GABRR2: variants seen among roughly 807,000 people sequenced by gnomAD.
The protein encoded by GABRR2 is gamma-aminobutyric acid type A receptor subunit rho2.
GABRR2 carries 36 observed loss-of-function variants against 47.0 expected under a neutral mutation model. The ratio of observed to expected loss-of-function variants is 0.77; its 90% CI spans 0.59 to 1.01. The LOEUF is 1.01. Ranked by LOEUF, GABRR2 falls within the 50% of genes least tolerant of loss-of-function variation. The pLI, the probability that GABRR2 is intolerant of heterozygous loss-of-function variation, is 0.00. For synonymous variants in GABRR2, 204 were observed against 227.5 expected (o/e 0.90, Z 0.93); for missense variants, 587 against 594.6 (o/e 0.99, Z 0.13).
chr6:89,257,884 C>G lies in GABRR2; in HGVS notation c.1184G>C (p.Ser395Thr), dbSNP rs776154540. ...EANSLAGYPRSHILTEEERQD... is the reference protein window; with the variant it reads ...EANSLAGYPRTHILTEEERQD... ...CCTTTCTTCTTCTGTCAGGATATGG[C>G]TTCTGGGGTACCCAGCCAGGCTGTT... The change falls in exon 9 of 9, where the codon AGC becomes ACC. Residue 395 changes from serine to threonine, a missense_variant. Coordinates refer to ENST00000402938, the MANE Select transcript of GABRR2 (RefSeq NM_002043.5). 3.1e-6 allele frequency: 5 copies of G among 1,613,836 alleles called. No homozygotes were observed. The Admixed American group carries it at 8.3e-5, about 27-fold the overall frequency.
At chr6:89,313,378 T>C (rs920625450) in intron 1 of GABRR2, among the ~76,000 whole-genome samples, 1 of 152,260 alleles carries the variant, frequency 6.6e-6, no homozygotes, top group African/African-American at 2.4e-5. Flanking sequence ...TAGAGACATC[T>C]GTTGAAAATG....
Position 89,280,211 on chromosome 6 carries a change from A to AATATATATATATAT in GABRR2, c.221-8503_221-8490dup, listed in dbSNP as rs35295435. Among the ~76,000 whole-genome samples the AATATATATATATAT allele has an allele frequency of 1.1e-3, 118 of 110,354 alleles. 1 individual carries two copies. The highest frequency in any genetic ancestry group is 1.8e-3 in the Non-Finnish European group (99 of 55,238). 72.4% of individuals were successfully genotyped at this position (110,354 alleles called of 152,430 possible). A position where few individuals can be genotyped will look rare whatever the true frequency, so the allele number is the denominator to read the frequency against. On this transcript the variant is annotated intron_variant, in intron 2 of 8. Coordinates refer to ENST00000402938, the MANE Select transcript of GABRR2 (RefSeq NM_002043.5). ...ATGACAGAGACTTAGTCTAAAAACA[A>AATATATATATATAT]ATATATATATATATATATATATATA...
At chr6:89,276,360 G>A (rs911062717) in intron 2 of GABRR2, among the ~76,000 whole-genome samples, 3 of 151,850 alleles carry the variant, frequency 2.0e-5, no homozygotes, top group Middle Eastern at 3.4e-3. Flanking sequence ...GCATAAAACT[G>A]GAAAACTATA....
Position 89,255,012 on chromosome 6 carries a change from A to C in GABRR2, c.*2658T>G, listed in dbSNP as rs1237584558. ...ATGTTATATGAGCCATAATGCATGA[A>C]AACAATGCAGTCAGAAGCAGAGAAG... On this transcript the variant is annotated 3_prime_UTR_variant, in exon 9 of 9. Transcript: ENST00000402938. 6.6e-6 allele frequency among the ~76,000 whole-genome samples: 1 copy of C among 152,226 alleles called. No individual in the cohort carries two copies. The highest frequency in any genetic ancestry group is 1.5e-5 in the Non-Finnish European group (1 of 68,036).
chr6:89,302,197 C>T (rs548783356), intron 1 of GABRR2: 40 of 554,878 alleles, frequency 7.2e-5, no homozygotes, highest in South Asian at 5.3e-4. Context: ...TCTCGCTGGG[C>T]GGGGGCACAA....
intron 1 of GABRR2, among the ~76,000 whole-genome samples, chr6:89,309,283 G>T (rs1767634620): frequency 6.6e-6 from 1 of 151,978 alleles, no homozygotes; most frequent in African/African-American, 2.4e-5. Flanking sequence ...AGACGTGTAG[G>T]TGGTGAGGTA....
chr6:89,269,245 C>CG lies in GABRR2; in HGVS notation c.289-12dup. ...GGTCATAGTGAAGTCCTGTGGGAGC[C>CG]GGGGTGAGACCAGACAAAAATGGCT... On this transcript the variant is annotated splice_polypyrimidine_tract_variant and intron_variant, in intron 3 of 8. Coordinates refer to ENST00000402938, the MANE Select transcript of GABRR2 (RefSeq NM_002043.5). 1.2e-6 allele frequency: 2 copies of CG among 1,609,666 alleles called. No homozygotes were observed. Among genetic ancestry groups the CG allele is most frequent in the Non-Finnish European group, 1.7e-6 (2 of 1,176,026 alleles).
intron 3 of GABRR2, 68 bp downstream of exon 3, chr6:89,271,587 C>G (rs1774051090): frequency 7.2e-7 from 1 of 1,382,562 alleles, no homozygotes; most frequent in Admixed American, 1.9e-5. Flanking sequence ...CACACAGGCA[C>G]AGCCTGCACC....
intron 2 of GABRR2, among the ~76,000 whole-genome samples, chr6:89,272,313 G>A (rs1190265126): frequency 6.6e-6 from 1 of 152,258 alleles, no homozygotes; most frequent in Admixed American, 6.5e-5. Context: ...TGTCAGATTA[G>A]AAGTATGAGA....
chr6:89,296,930 C>T (rs150537096), intron 2 of GABRR2, among the ~76,000 whole-genome samples: 20 of 152,330 alleles, frequency 1.3e-4, no homozygotes, highest in African/African-American at 4.6e-4. Context: ...TGGCCATCAC[C>T]TAACTCCTTG....
In GABRR2 at chr6:89,256,764, G is replaced by A. The variant is rs1773607688; in HGVS notation, c.*906C>T. Among the ~76,000 whole-genome samples the A allele has an allele frequency of 6.6e-6, 1 of 152,204 alleles. No homozygotes were observed. The highest frequency in any genetic ancestry group is 6.5e-5 in the Admixed American group (1 of 15,284). ...AAACTGTACACCGTGGTGAGCCTGG[G>A]TAAGTTTCTCTGGCTGGCAATACTC... On this transcript the variant is annotated 3_prime_UTR_variant, in exon 9 of 9. Coordinates refer to ENST00000402938, the MANE Select transcript of GABRR2 (RefSeq NM_002043.5).
chr6:89,301,685 A>G (rs1278141082), intron 1 of GABRR2: 3 of 579,862 alleles, frequency 5.2e-6, no homozygotes, highest in South Asian at 1.9e-5. Flanking sequence ...AGATCTCTAC[A>G]ATGAGAATTG....
chr6:89,310,676 T>C (rs1032617025), intron 1 of GABRR2, among the ~76,000 whole-genome samples: 8 of 139,322 alleles, frequency 5.7e-5, no homozygotes, highest in Admixed American at 4.0e-4. Flanking sequence ...TAGTTTGGTT[T>C]GGGCCGCACT....
intron 2 of GABRR2, among the ~76,000 whole-genome samples, chr6:89,277,877 G>T (rs1446663631): frequency 8.2e-6 from 1 of 121,274 alleles, no homozygotes; most frequent in Non-Finnish European, 1.7e-5. Context: ...GTGGGGGGGG[G>T]TGGGGGCTGC....
chr6:89,310,054 A>G (rs2127851582), intron 1 of GABRR2, among the ~76,000 whole-genome samples: 1 of 151,244 alleles, frequency 6.6e-6, no homozygotes, highest in Non-Finnish European at 1.5e-5. Context: ...GGCATGAGAC[A>G]CCATCCTCAG....
intron 6 of GABRR2, among the ~76,000 whole-genome samples, chr6:89,266,999 C>CTTTT (rs71024360): frequency 7.9e-4 from 100 of 125,862 alleles, no homozygotes; most frequent in African/African-American, 1.6e-3. Flanking sequence ...TTCTTTTCTT[C>CTTTT]TTTTTTTTTT....
At chr6:89,305,223 T>C (rs1767537500) in intron 1 of GABRR2, among the ~76,000 whole-genome samples, 1 of 152,042 alleles carries the variant, frequency 6.6e-6, no homozygotes, top group Non-Finnish European at 1.5e-5. Context: ...GGCATAGTGG[T>C]GTATGTCTGT....
intron 2 of GABRR2, among the ~76,000 whole-genome samples, chr6:89,276,583 T>C (rs1173288426): frequency 6.6e-6 from 1 of 152,152 alleles, no homozygotes; most frequent in African/African-American, 2.4e-5. Flanking sequence ...TAAGATTTCC[T>C]TGGAAATTGT....
At chr6:89,303,564 T>G (rs977069351) in intron 1 of GABRR2, among the ~76,000 whole-genome samples, 1 of 150,794 alleles carries the variant, frequency 6.6e-6, no homozygotes, top group Non-Finnish European at 1.5e-5. Flanking sequence ...CCAGAGATAT[T>G]CTTCACAGAA....
Sources: gnomAD v4.1 joint callset for allele counts (sites outside exome capture counted in the v4.1 genomes callset) on GRCh38, gnomAD v4.1.1 for gene constraint, MANE v1.5 for transcripts, NCBI Gene and HGNC (gene_info 2026-07-23, HGNC 2026-07-21) for gene names.